Variants in PARD3B observed in about 807,000 individuals in gnomAD.
The protein encoded by PARD3B is par-3 family cell polarity regulator beta.
PARD3B carries 103 observed loss-of-function variants against 130.2 expected under a neutral mutation model. That is an observed-to-expected ratio of 0.79 (90% CI 0.67 to 0.93). The LOEUF (loss-of-function observed/expected upper bound fraction) is 0.93, where lower values mean the gene tolerates loss of function less well. PARD3B is among the 40% of genes least tolerant of loss of function. The pLI is 0.00. For missense variants in PARD3B, 1,609 were observed against 1,499.2 expected (o/e 1.07, Z -1.21); for synonymous variants, 583 against 553.2 (o/e 1.05, Z -0.76).
At chr2:205,401,734 T>C (rs1292812609) in intron 19 of PARD3B, among the ~76,000 whole-genome samples, 1 of 152,230 alleles carries the variant, frequency 6.6e-6, no homozygotes, top group Admixed American at 6.5e-5. Context: ...GTATCTTTGA[T>C]GTTAACTCTG....
intron 4 of PARD3B, among the ~76,000 whole-genome samples, chr2:205,076,644 G>A (rs1312397705): frequency 6.6e-6 from 1 of 152,076 alleles, no homozygotes; most frequent in Non-Finnish European, 1.5e-5. Context: ...TCACATCAGT[G>A]GCAGCATTAG....
intron 4 of PARD3B, among the ~76,000 whole-genome samples, chr2:205,081,878 A>G (rs371953314): frequency 6.6e-6 from 1 of 152,158 alleles, no homozygotes; most frequent in South Asian, 2.1e-4. Context: ...CCTAGGTTTC[A>G]TGGTAATGCT....
chr2:204,720,125 G>T (rs2125317806), intron 2 of PARD3B, among the ~76,000 whole-genome samples: 1 of 152,248 alleles, frequency 6.6e-6, no homozygotes, highest in East Asian at 1.9e-4. Context: ...AGATTAGTTG[G>T]TGTTTGGATT....
chr2:205,367,808 TTTTCTGTGTTTGAGTTTATGTGGTTAAG>T (rs2044664781), intron 18 of PARD3B, among the ~76,000 whole-genome samples: 1 of 152,198 alleles, frequency 6.6e-6, no homozygotes, highest in African/African-American at 2.4e-5. Flanking sequence ...GTGGGATGCC[TTTTCTGTGTTTGAGTTTATGTGGTTAAG>T]TTTCTGTGTT....
chr2:204,881,240 T>C (rs994018704), intron 2 of PARD3B, among the ~76,000 whole-genome samples: 1 of 152,182 alleles, frequency 6.6e-6, no homozygotes, highest in African/African-American at 2.4e-5. Context: ...GGTTGACCAG[T>C]CTGTATGTGT....
chr2:205,045,829 C>G (rs1327335730), intron 3 of PARD3B, among the ~76,000 whole-genome samples: 3 of 151,916 alleles, frequency 2.0e-5, no homozygotes, highest in Non-Finnish European at 4.4e-5. Context: ...ATATATATGA[C>G]TCAGCTGCAT....
chr2:205,366,569 C>A lies in PARD3B; in HGVS notation c.2631-34444C>A, dbSNP rs1055020915. Among the ~76,000 whole-genome samples, 4 of 152,184 alleles carry A rather than the reference C, an allele frequency of 2.6e-5. No individual in the cohort carries two copies. The highest frequency in any genetic ancestry group is 9.7e-5 in the African/African-American group (4 of 41,438). On this transcript the variant is annotated intron_variant, in intron 18 of 22. Transcript: ENST00000406610. This position sits in a 1 kb window ranked among gnomAD's most constrained non-coding sequence, Gnocchi z 5.0. ...GAGGGACAGAGCTAATGCCAGAACA[C>A]AGCTCTCTTAACTTGCAGGGTATTG...
Position 204,940,490 on chromosome 2 carries a change from T to C in PARD3B, c.223-24662T>C, listed in dbSNP as rs527290424. On this transcript the variant is annotated intron_variant, in intron 2 of 22. Transcript: ENST00000406610. ...GTAACTTGAGAGTTTTTTTTTTTTTTCTCAGTTGTTTATCTAGAAGTTCTG... is the reference window on the plus strand; with the variant it reads ...GTAACTTGAGAGTTTTTTTTTTTTTCCTCAGTTGTTTATCTAGAAGTTCTG... Among the ~76,000 whole-genome samples the C allele has an allele frequency of 6.7e-5, 10 of 149,460 alleles. No individual in the cohort carries two copies. In the South Asian group the frequency reaches 1.7e-3, roughly 25 times the overall value.
At position 205,158,897 on chromosome 2, in the gene PARD3B, C is replaced by T. The variant is rs1439059324; in HGVS notation, c.1610C>T (p.Ala537Val). The change falls in exon 11 of 23, where the codon GCT becomes GTT. Residue 537 changes from alanine to valine, a missense_variant. Coordinates refer to ENST00000406610, the MANE Select transcript of PARD3B (RefSeq NM_001302769.2). The surrounding 1 kb of genome is among the most constrained non-coding windows in gnomAD (Gnocchi z 5.4). ...IFIKSIIHGG[A>V]AFKDGRLRMN... The stretch of plus-strand genomic sequence containing the variant: ...ATCAAATCCATCATTCATGGAGGCG[C>T]TGCTTTTAAGGTGGGTAGGAATGAC... 1.2e-6 allele frequency: 2 copies of T among 1,613,780 alleles called. No individual in the cohort carries two copies. The highest frequency in any genetic ancestry group is 1.7e-6 in the Non-Finnish European group (2 of 1,180,006).
Position 204,943,428 on chromosome 2 carries a change from T to C in PARD3B, c.223-21724T>C, listed in dbSNP as rs768019908. ...CCTCTGCTTCTCATGGAGTTCTTAC[T>C]GGTCCCCAGGTTAACCTAGGGAGTT... On this transcript the variant is annotated intron_variant, in intron 2 of 22. Coordinates refer to ENST00000406610, the MANE Select transcript of PARD3B (RefSeq NM_001302769.2). This position sits in a 1 kb window ranked among gnomAD's most constrained non-coding sequence, Gnocchi z 4.2. Among the ~76,000 whole-genome samples, 6 of 152,080 alleles carry C rather than the reference T, an allele frequency of 3.9e-5. No homozygotes were observed. The highest frequency in any genetic ancestry group is 8.8e-5 in the Non-Finnish European group (6 of 68,022).
chr2:205,194,904 C>T (rs1490863783), intron 15 of PARD3B, among the ~76,000 whole-genome samples: 1 of 151,554 alleles, frequency 6.6e-6, no homozygotes, highest in African/African-American at 2.4e-5. Flanking sequence ...CTACCTCAGC[C>T]TCGCAAGTAG....
At chr2:205,000,318 C>T (rs759098248) in intron 3 of PARD3B, among the ~76,000 whole-genome samples, 1 of 152,066 alleles carries the variant, frequency 6.6e-6, no homozygotes, top group Non-Finnish European at 1.5e-5. Flanking sequence ...ACTGAGTGAG[C>T]CTGCTCAGGT....
intron 22 of PARD3B, among the ~76,000 whole-genome samples, chr2:205,567,193 G>T (rs2053371383): frequency 6.6e-6 from 1 of 151,230 alleles, no homozygotes; most frequent in South Asian, 2.1e-4. Context: ...TGTATGTATA[G>T]AGAGAGAAAG....
At chr2:204,868,284 T>A (rs1559213443) in intron 2 of PARD3B, among the ~76,000 whole-genome samples, 1 of 152,206 alleles carries the variant, frequency 6.6e-6, no homozygotes, top group Non-Finnish European at 1.5e-5. Context: ...GCTGTACTTT[T>A]AAATCTTTAT....
chr2:205,513,748 C>T lies in PARD3B; in HGVS notation c.3180+13717C>T, dbSNP rs553232952. ...AGACATTTACTTGACTCTGAGGAAT[C>T]GAAAGTGAATAAGGGGTTCATGTCT... is the stretch of plus-strand genomic sequence containing the variant. On this transcript the variant is annotated intron_variant, in intron 21 of 22. Transcript: ENST00000406610. Among the ~76,000 whole-genome samples, 7 of 151,942 alleles carry T rather than the reference C, an allele frequency of 4.6e-5. No homozygotes were observed. In the South Asian group the frequency reaches 1.2e-3, roughly 27 times the overall value.
At chr2:205,379,737 C>T (rs190924789) in intron 18 of PARD3B, among the ~76,000 whole-genome samples, 485 of 152,038 alleles carry the variant, frequency 3.2e-3, no homozygotes, top group Non-Finnish European at 5.8e-3. Context: ...GCAGGTATTA[C>T]AGTGAGAGCT....
intron 3 of PARD3B, among the ~76,000 whole-genome samples, chr2:205,025,021 A>G (rs1246259833): frequency 1.3e-5 from 2 of 152,172 alleles, no homozygotes; most frequent in East Asian, 1.9e-4. Context: ...TTTTAGATGC[A>G]GAAGAAAGAT....
intron 22 of PARD3B, among the ~76,000 whole-genome samples, chr2:205,607,416 GGTCT>G (rs940285766): frequency 6.6e-6 from 1 of 152,074 alleles, no homozygotes; most frequent in Non-Finnish European, 1.5e-5. Flanking sequence ...GCAGCCTCTG[GGTCT>G]GTCTGTCTGC....
chr2:205,348,154 G>A (rs1187897554), intron 18 of PARD3B: 1 of 152,206 alleles, frequency 6.6e-6, no homozygotes, highest in Non-Finnish European at 1.5e-5. Flanking sequence ...AAGCTGAGGA[G>A]GATCCTAAAG....
Sources: gnomAD v4.1 joint callset for allele counts (sites outside exome capture counted in the v4.1 genomes callset) on GRCh38, gnomAD v4.1.1 for gene constraint, Gnocchi (gnomAD v3.1) non-coding constraint, MANE v1.5 for transcripts, NCBI Gene and HGNC (gene_info 2026-07-23, HGNC 2026-07-21) for gene names.